TMEM258: variants seen among roughly 807,000 people sequenced by gnomAD.
TMEM258 encodes transmembrane protein 258.
A neutral mutation model predicts 9.9 loss-of-function variants in TMEM258; 11 were observed. The observed-to-expected ratio is 1.11, with a 90% CI of 0.70 to 1.85. TMEM258 has a LOEUF of 1.85. Ranked by LOEUF, TMEM258 falls within the 40% of genes most tolerant of loss-of-function variation. TMEM258 has a pLI of 0.00. For missense variants in TMEM258, 81 were observed against 99.7 expected, an observed-to-expected ratio of 0.81 and a Z score of 0.80; for synonymous variants, 40 against 39.1, an observed-to-expected ratio of 1.02 and a Z score of -0.09.
rs36203061 is a variant in TMEM258 at position 61,790,942 on chromosome 11, CTTT to C, written c.4-343_4-341del. ...ACTGGTGGTACCCAGATCTCAATAT[CTTT>C]TTTTTTTGACGGAGTCTCATTTTTT... On this transcript the variant is annotated intron_variant, in intron 1 of 3. Transcript: ENST00000537328. Among the ~76,000 whole-genome samples, 191 of 149,692 alleles carry C rather than the reference CTTT, an allele frequency of 1.3e-3. 2 individuals are homozygous for C. In the East Asian group the frequency reaches 0.032, roughly 25 times the overall value.
intron 1 of TMEM258, chr11:61,792,184 G>A: frequency 3.1e-6 from 1 of 320,242 alleles, no homozygotes; most frequent in South Asian, 2.8e-5. Flanking sequence ...GCGCTCCTAG[G>A]AAAGTCTGGC....
chr11:61,790,746 T>C (rs1007110102), intron 1 of TMEM258, 144 bp from the exon 2 acceptor site: 38 of 646,382 alleles, frequency 5.9e-5, no homozygotes, highest in South Asian at 5.6e-4. Flanking sequence ...CAATGGCCCT[T>C]ATTAGCATTT....
intron 2 of TMEM258, chr11:61,790,255 T>G (rs556553267): frequency 3.4e-6 from 2 of 585,496 alleles, no homozygotes; most frequent in Non-Finnish European, 6.1e-6. Flanking sequence ...CCACCTCCAC[T>G]CCAGCCAGGT....
At position 61,790,332 on chromosome 11, in the gene TMEM258, A is replaced by G. The variant is rs2066774209; in HGVS notation, c.113+161T>C. 1.7e-5 allele frequency: 12 copies of G among 688,986 alleles called. No homozygotes were observed. The South Asian group carries it at 2.1e-4, about 12-fold the overall frequency. The allele number at this position is 688,986 out of a possible 1,614,324, so 42.7% of individuals were successfully genotyped here. ...TCACCTGAACTTGGGAAATAAGGCTATAACCTGCCCCTGGGCATCACTAGC... is the reference window on the plus strand; with the variant it reads ...TCACCTGAACTTGGGAAATAAGGCTGTAACCTGCCCCTGGGCATCACTAGC... On this transcript the variant is annotated intron_variant, in intron 2 of 3. Coordinates refer to ENST00000537328, the MANE Select transcript of TMEM258 (RefSeq NM_014206.4).
Position 61,789,784 on chromosome 11 carries a change from C to A in TMEM258, c.*10+1G>T. ...CGCATCCATCCCATTGCAGCTCTTACCCTTGGGTGCTCACACGTAGATGCC... is the reference window on the plus strand; with the variant it reads ...CGCATCCATCCCATTGCAGCTCTTAACCTTGGGTGCTCACACGTAGATGCC... On this transcript the variant is annotated splice_donor_variant, in intron 3 of 3. Transcript: ENST00000537328. LOFTEE classifies it low-confidence loss of function (3UTR_SPLICE). The A allele has an allele frequency of 6.2e-7, 1 of 1,608,702 alleles. No individual in the cohort carries two copies. Among genetic ancestry groups the A allele is most frequent in the Non-Finnish European group, 8.5e-7 (1 of 1,177,464 alleles).
At chr11:61,791,140 G>C (rs2066781293) in intron 1 of TMEM258, among the ~76,000 whole-genome samples, 1 of 152,128 alleles carries the variant, frequency 6.6e-6, no homozygotes, top group South Asian at 2.1e-4. Context: ...ATTTTTAGTA[G>C]AGATGGGGTT....
intron 1 of TMEM258, chr11:61,791,345 C>G (rs2066783172): frequency 6.6e-6 from 1 of 152,094 alleles, no homozygotes; most frequent in Non-Finnish European, 1.5e-5. Context: ...TCACTGCAAG[C>G]TCCGCCTTCT....
intron 1 of TMEM258, among the ~76,000 whole-genome samples, chr11:61,791,040 C>T (rs1020619714): frequency 1.3e-5 from 2 of 152,036 alleles, no homozygotes; most frequent in African/African-American, 4.8e-5. Flanking sequence ...CAACCTCTGC[C>T]TCCCGGGTTC....
intron 2 of TMEM258, 148 bp from the exon 3 acceptor site, chr11:61,790,069 A>G: frequency 2.0e-6 from 2 of 978,164 alleles, no homozygotes; most frequent in Non-Finnish European, 2.9e-6. Context: ...GGCCTAAGAG[A>G]TGCCTTGGAC....
chr11:61,792,268 G>A, intron 1 of TMEM258: 1 of 488,134 alleles, frequency 2.0e-6, no homozygotes, highest in African/African-American at 2.0e-5. Context: ...CACGGGTTCG[G>A]CAGAAGAACT....
intron 1 of TMEM258, 75 bp downstream of exon 1, chr11:61,792,478 TGAG>T (rs773032710): frequency 6.3e-6 from 10 of 1,597,928 alleles, no homozygotes; most frequent in Non-Finnish European, 8.6e-6. Context: ...CTCCGGCGTC[TGAG>T]GAGATAAGCG....
intron 1 of TMEM258, 139 bp downstream of exon 1, chr11:61,792,417 C>T: frequency 7.8e-7 from 1 of 1,277,612 alleles, no homozygotes; most frequent in Non-Finnish European, 1.1e-6. Flanking sequence ...TTCCCCCTTC[C>T]CCACCCTTCA....
At chr11:61,789,624 G>T in intron 3 of TMEM258, 161 bp downstream of exon 3, 4 of 803,042 alleles carry the variant, frequency 5.0e-6, no homozygotes, top group South Asian at 2.0e-5. Context: ...AGGGAAAGAG[G>T]CACAAATGTC....
At chr11:61,790,900 C>T (rs1464424836) in intron 1 of TMEM258, among the ~76,000 whole-genome samples, 2 of 152,130 alleles carry the variant, frequency 1.3e-5, no homozygotes, top group African/African-American at 2.4e-5. Flanking sequence ...GCTGAGAACC[C>T]CCGCTATAAG....
intron 2 of TMEM258, chr11:61,790,273 T>C: frequency 1.7e-6 from 1 of 598,618 alleles, no homozygotes; most frequent in Non-Finnish European, 3.0e-6. Flanking sequence ...GGTCCCCTGC[T>C]CACTGTCCTG....
At position 61,792,554 on chromosome 11, in the gene TMEM258, A is replaced by C. The variant is rs111585800; in HGVS notation, c.3+2T>G. 6.2e-7 allele frequency: 1 copy of C among 1,613,874 alleles called. No individual in the cohort carries two copies. The highest frequency in any genetic ancestry group is 8.5e-7 in the Non-Finnish European group (1 of 1,179,986). ...GTCTGGAACTCCCCTCAACGCTCTC[A>C]CCATTTTGCCCCGCGAAGGCTAATC... On this transcript the variant is annotated splice_donor_variant, in intron 1 of 3. Transcript: ENST00000537328. LOFTEE classifies it high-confidence loss of function.
In TMEM258 at chr11:61,789,072, G is replaced by C. The variant is rs1421727851; in HGVS notation, c.*174C>G. ...GAGAAATGGGAAAGGGAAGAGATTG[G>C]GGAAGCAATGTAGGTCCCAGCACCC... On this transcript the variant is annotated 3_prime_UTR_variant, in exon 4 of 4. Coordinates refer to ENST00000537328, the MANE Select transcript of TMEM258 (RefSeq NM_014206.4). The C allele has an allele frequency of 6.6e-6, 1 of 152,670 alleles. No individual in the cohort carries two copies. Among genetic ancestry groups the C allele is most frequent in the African/African-American group, 2.4e-5 (1 of 41,440 alleles). The allele number at this position is 152,670 out of a possible 1,614,324, so 9.5% of individuals were successfully genotyped here. A position where few individuals can be genotyped will look rare whatever the true frequency, so the allele number is the denominator to read the frequency against.
intron 1 of TMEM258, 118 bp downstream of exon 1, chr11:61,792,438 G>A (rs2066791666): frequency 6.9e-7 from 1 of 1,449,388 alleles, no homozygotes. Context: ...GCCCAAGCCG[G>A]AGGTTCCAGG....
chr11:61,790,266 C>A, intron 2 of TMEM258: 2 of 593,438 alleles, frequency 3.4e-6, no homozygotes, highest in South Asian at 2.0e-5. Flanking sequence ...CCAGCCAGGT[C>A]CCCTGCTCAC....
Sources: gnomAD v4.1 joint callset for allele counts (sites outside exome capture counted in the v4.1 genomes callset) on GRCh38, gnomAD v4.1.1 for gene constraint, MANE v1.5 for transcripts, NCBI Gene and HGNC (gene_info 2026-07-23, HGNC 2026-07-21) for gene names.